Variants in TMEM131 observed in about 807,000 individuals in gnomAD.
The protein encoded by TMEM131 is transmembrane protein 131, also known as 2610524E03Rik.
TMEM131 carries 66 observed loss-of-function variants against 211.6 expected under a neutral mutation model. The observed-to-expected ratio is 0.31, with a 90% CI of 0.26 to 0.38. The LOEUF (loss-of-function observed/expected upper bound fraction) is 0.38. TMEM131 is among the 10% of genes least tolerant of loss of function. TMEM131 has a pLI of 1.00. For missense variants in TMEM131, 2,036 were observed against 2,299.3 expected, an observed-to-expected ratio of 0.89 and a Z score of 2.34; for synonymous variants, 844 against 841.3, an observed-to-expected ratio of 1.00 and a Z score of -0.06.
chr2:97,970,702 G>A (rs1679259326), intron 1 of TMEM131, among the ~76,000 whole-genome samples: 1 of 152,194 alleles, frequency 6.6e-6, no homozygotes, highest in African/African-American at 2.4e-5. Flanking sequence ...CCAGAGAAGA[G>A]TAACCATCTG....
chr2:97,775,041 A>G (rs1679649711), intron 32 of TMEM131, among the ~76,000 whole-genome samples: 1 of 152,244 alleles, frequency 6.6e-6, no homozygotes, highest in South Asian at 2.1e-4. Context: ...AAACTAAAAA[A>G]GAAAGTCTGT....
At chr2:97,766,378 A>G (rs1679166932) in intron 34 of TMEM131, 100 bp downstream of exon 34, 18 of 1,598,872 alleles carry the variant, frequency 1.1e-5, no homozygotes, top group Non-Finnish European at 1.3e-5. Flanking sequence ...TGCATGACTA[A>G]TAACTACTGA....
chr2:97,955,147 A>G (rs1022322546), intron 1 of TMEM131, among the ~76,000 whole-genome samples: 1 of 152,166 alleles, frequency 6.6e-6, no homozygotes, highest in Non-Finnish European at 1.5e-5. Context: ...AGCAGAATTT[A>G]TCCGAAATAT....
intron 3 of TMEM131, among the ~76,000 whole-genome samples, chr2:97,902,801 C>G (rs1376242154): frequency 2.6e-5 from 4 of 152,062 alleles, no homozygotes; most frequent in Non-Finnish European, 4.4e-5. Context: ...CAGCTTCCAG[C>G]AAATATAAAG....
intron 31 of TMEM131, among the ~76,000 whole-genome samples, chr2:97,777,934 G>A (rs923835514): frequency 6.6e-6 from 1 of 152,200 alleles, no homozygotes; most frequent in African/African-American, 2.4e-5. Context: ...AGGAAGGGGA[G>A]TGTCCTGCTT....
chr2:97,811,023 A>G (rs1460059971), intron 18 of TMEM131, 105 bp downstream of exon 18: 6 of 818,684 alleles, frequency 7.3e-6, no homozygotes, highest in Admixed American at 2.0e-5. Context: ...TGAAACTGGT[A>G]AACTGTAACT....
In TMEM131 at chr2:97,762,103, G is replaced by C; in HGVS notation, c.4821C>G (p.Pro1607=). The change falls in exon 36 of 41, where the codon CCC becomes CCG. Residue 1607 remains proline (P), a synonymous_variant. Transcript: ENST00000186436. The stretch of plus-strand genomic sequence containing the variant: ...CCACAAAGGGGCAGGGGGCAGCTGG[G>C]GGAGACGGGGAAGCAGGTGTCGGTG... ...QTSPTPASPS[P]PAAPCPFVAR... 6.2e-7 allele frequency: 1 copy of C among 1,613,002 alleles called. No homozygotes were observed. The highest frequency in any genetic ancestry group is 8.5e-7 in the Non-Finnish European group (1 of 1,179,428).
At chr2:97,989,560 C>T (rs573703567) in intron 1 of TMEM131, among the ~76,000 whole-genome samples, 1 of 152,298 alleles carries the variant, frequency 6.6e-6, no homozygotes, top group South Asian at 2.1e-4. Flanking sequence ...AACGTGAATA[C>T]ACTTAACACC....
At position 97,756,646 on chromosome 2, in the gene TMEM131, A is replaced by AAATT. The variant is rs1349962112; in HGVS notation, c.*449_*452dup. 1 of 152,860 alleles carries AAATT rather than the reference A, an allele frequency of 6.5e-6. No individual in the cohort carries two copies. Among genetic ancestry groups the AAATT allele is most frequent in the Non-Finnish European group, 1.5e-5 (1 of 68,516 alleles). 9.5% of individuals were successfully genotyped at this position (152,860 alleles called of 1,614,324 possible). A position where few individuals can be genotyped will look rare whatever the true frequency, so the allele number is the denominator to read the frequency against. On this transcript the variant is annotated 3_prime_UTR_variant, in exon 41 of 41. Transcript: ENST00000186436. The stretch of plus-strand genomic sequence containing the variant: ...AGCACAAAGTCCTCATACAGTTTTA[A>AAATT]AATTAGATCTTGGCGCATAATATTG...
chr2:97,851,218 T>C (rs1673610824), intron 5 of TMEM131, among the ~76,000 whole-genome samples: 1 of 152,132 alleles, frequency 6.6e-6, no homozygotes, highest in Non-Finnish European at 1.5e-5. Flanking sequence ...TCGAATACTA[T>C]CTGCCTATTT....
At chr2:97,965,981 A>T (rs1006383617) in intron 1 of TMEM131, among the ~76,000 whole-genome samples, 4 of 152,126 alleles carry the variant, frequency 2.6e-5, no homozygotes, top group African/African-American at 9.7e-5. Context: ...AATTCAGTAA[A>T]AGAGAAAGTA....
intron 4 of TMEM131, among the ~76,000 whole-genome samples, chr2:97,874,584 A>G (rs1328690723): frequency 3.9e-5 from 6 of 152,226 alleles, no homozygotes; most frequent in Admixed American, 3.3e-4. Context: ...ATCCTTAAAG[A>G]AAAGAATTTT....
At chr2:97,940,931 T>C (rs1279490848) in intron 1 of TMEM131, among the ~76,000 whole-genome samples, 2 of 151,964 alleles carry the variant, frequency 1.3e-5, no homozygotes, top group African/African-American at 4.8e-5. Context: ...GCCATCCCCA[T>C]CAAGCTACCA....
intron 36 of TMEM131, chr2:97,761,247 G>A (rs1462490936): frequency 1.9e-5 from 4 of 213,358 alleles, no homozygotes; most frequent in East Asian, 1.1e-4. Flanking sequence ...GGCAGCCACC[G>A]ACACCGGAAA....
At chr2:97,963,292 T>C (rs940604324) in intron 1 of TMEM131, among the ~76,000 whole-genome samples, 11 of 151,830 alleles carry the variant, frequency 7.2e-5, no homozygotes, top group Non-Finnish European at 1.2e-4. Context: ...TGAAGGCACA[T>C]AGATGTCACC....
intron 1 of TMEM131, among the ~76,000 whole-genome samples, chr2:97,976,485 T>G (rs1679541535): frequency 6.6e-6 from 1 of 152,170 alleles, no homozygotes; most frequent in Admixed American, 6.5e-5. Context: ...CTTTAAAAAT[T>G]TTATACTGAA....
At chr2:97,895,009 G>C (rs1675543520) in intron 3 of TMEM131, among the ~76,000 whole-genome samples, 1 of 152,114 alleles carries the variant, frequency 6.6e-6, no homozygotes, top group African/African-American at 2.4e-5. Flanking sequence ...CTGTTGGTTT[G>C]TCATAAATAG....
intron 31 of TMEM131, among the ~76,000 whole-genome samples, chr2:97,780,467 A>G (rs1451877692): frequency 6.6e-6 from 1 of 152,050 alleles, no homozygotes; most frequent in East Asian, 1.9e-4. Flanking sequence ...CGTTTTCTAC[A>G]CTGTCAGTAG....
intron 3 of TMEM131, among the ~76,000 whole-genome samples, chr2:97,897,959 T>C (rs1675685804): frequency 6.6e-6 from 1 of 152,134 alleles, no homozygotes; most frequent in Non-Finnish European, 1.5e-5. Flanking sequence ...CTTTCAAGTA[T>C]TTGACCACTT....
Sources: gnomAD v4.1 joint callset for allele counts (sites outside exome capture counted in the v4.1 genomes callset) on GRCh38, gnomAD v4.1.1 for gene constraint, MANE v1.5 for transcripts, NCBI Gene and HGNC (gene_info 2026-07-23, HGNC 2026-07-21) for gene names.